Variants in PCDHA8 observed in about 807,000 individuals in gnomAD.
The protein encoded by PCDHA8 is protocadherin alpha 8.
Under a neutral mutation model 61.8 loss-of-function variants are expected in PCDHA8, and 53 were observed. That is an observed-to-expected ratio of 0.86 (90% CI 0.69 to 1.08). The LOEUF (loss-of-function observed/expected upper bound fraction) is 1.08, where lower values mean the gene tolerates loss of function less well. Ranked by LOEUF, PCDHA8 falls within the 50% of genes least tolerant of loss-of-function variation. The pLI is 0.00. For missense variants in PCDHA8, 1,293 were observed against 1,245.0 expected, an observed-to-expected ratio of 1.04 and a Z score of -0.58; for synonymous variants, 618 against 556.6, an observed-to-expected ratio of 1.11 and a Z score of -1.55.
intron 1 of PCDHA8, among the ~76,000 whole-genome samples, chr5:140,890,162 A>G (rs1433054233): frequency 6.6e-6 from 1 of 152,184 alleles, no homozygotes; most frequent in Non-Finnish European, 1.5e-5. Context: ...TATTTCTGCC[A>G]CAGAAATAGG....
chr5:140,879,671 G>T (rs1442617511), intron 1 of PCDHA8, among the ~76,000 whole-genome samples: 3 of 152,210 alleles, frequency 2.0e-5, no homozygotes, highest in Admixed American at 1.3e-4. Context: ...AACACAAACT[G>T]GGTGCTGTAA....
At chr5:140,849,200 C>G (rs2150432715) in intron 1 of PCDHA8, 2 of 1,040,964 alleles carry the variant, frequency 1.9e-6, no homozygotes, top group Non-Finnish European at 2.7e-6. Flanking sequence ...TACTGGACAA[C>G]AATGACAATG....
chr5:140,859,311 T>C (rs1441323923), intron 1 of PCDHA8: 1 of 128,808 alleles, frequency 7.8e-6, no homozygotes, highest in Non-Finnish European at 1.8e-5. Flanking sequence ...GAATTAATAT[T>C]AAAAGTTTGA....
chr5:140,876,342 A>C, intron 1 of PCDHA8: 1 of 1,614,042 alleles, frequency 6.2e-7, no homozygotes, highest in Non-Finnish European at 8.5e-7. Flanking sequence ...TGAGTGAGAA[A>C]TGTATGTTTT....
At chr5:140,877,935 C>A (rs1184618592) in intron 1 of PCDHA8, 28 of 1,388,566 alleles carry the variant, frequency 2.0e-5, no homozygotes, top group Admixed American at 3.0e-5. Context: ...TGATTCTATC[C>A]TTTAAACTAT....
chr5:140,869,499 G>A, intron 1 of PCDHA8: 8 of 1,614,196 alleles, frequency 5.0e-6, no homozygotes, highest in Non-Finnish European at 5.9e-6. Context: ...ACCCGCCGGT[G>A]TTCTCGCTCA....
intron 1 of PCDHA8, among the ~76,000 whole-genome samples, chr5:140,964,550 C>T (rs13359943): frequency 0.012 from 1,826 of 152,168 alleles, 28 homozygotes; most frequent in African/African-American, 0.042. Flanking sequence ...ATGGCAGCGA[C>T]TTGGAGGGCT....
intron 1 of PCDHA8, chr5:140,871,331 C>A (rs1414219251): frequency 6.2e-7 from 1 of 1,614,102 alleles, no homozygotes; most frequent in Non-Finnish European, 8.5e-7. Flanking sequence ...TGCTCCCGCG[C>A]GGTGGGGAGC....
At position 140,991,361 on chromosome 5, in the gene PCDHA8, G is replaced by A. The variant is rs1183124741; in HGVS notation, c.2542+8798G>A. On this transcript the variant is annotated intron_variant, in intron 3 of 3. Transcript: ENST00000531613. ...GGTAACTTGGAAAAGACTATTTACT[G>A]TCTGAGTTCTAGGCCAACTGTAGGG... Among the ~76,000 whole-genome samples, 3 of 152,200 alleles carry A rather than the reference G, an allele frequency of 2.0e-5. No individual in the cohort carries two copies. In the East Asian group the frequency reaches 5.8e-4, roughly 29 times the overall value.
Position 140,883,949 on chromosome 5 carries a change from A to C in PCDHA8, c.2394+40234A>C, listed in dbSNP as rs566235340. On this transcript the variant is annotated intron_variant, in intron 1 of 3. Transcript: ENST00000531613. ...GGTGTTCGTGCTGGACGAGAACGAC[A>C]ACGCTCCGGCGCTGCTGACGCCCGG... 178 of 1,613,356 alleles carry C rather than the reference A, an allele frequency of 1.1e-4. 5 individuals carry two copies. The South Asian group carries it at 1.9e-3, about 18-fold the overall frequency.
chr5:140,850,133 C>T, intron 1 of PCDHA8: 1 of 1,595,806 alleles, frequency 6.3e-7, no homozygotes, highest in Non-Finnish European at 8.6e-7. Flanking sequence ...CGCCTCTGGG[C>T]AGCAACGTGA....
chr5:140,961,564 T>A (rs2095622037), intron 1 of PCDHA8, among the ~76,000 whole-genome samples: 1 of 152,208 alleles, frequency 6.6e-6, no homozygotes, highest in African/African-American at 2.4e-5. Flanking sequence ...TTTTAAATTT[T>A]GTTTTGATAA....
chr5:140,843,463 G>T lies in PCDHA8; in HGVS notation c.2142G>T (p.Thr714=). Residue 714 remains threonine, a synonymous_variant, in exon 1 of 4, where the codon ACG becomes ACT. Transcript: ENST00000531613. ...CGGTATCCAGCCTGCTGGTGCTCAC[G>T]CTGCTGCTGTACACTGCGCTGCGGT... is the stretch of plus-strand genomic sequence containing the variant. ...ICAVSSLLVL[T]LLLYTALRCS... 1 of 1,596,032 alleles carries T rather than the reference G, an allele frequency of 6.3e-7. No individual in the cohort carries two copies. Among genetic ancestry groups the T allele is most frequent in the Non-Finnish European group, 8.6e-7 (1 of 1,165,630 alleles).
In PCDHA8 at chr5:140,841,444, C is replaced by T. The variant is rs2150315677; in HGVS notation, c.123C>T (p.His41=). 15 of 1,612,806 alleles carry T rather than the reference C, an allele frequency of 9.3e-6. 1 individual carries two copies. The highest frequency in any genetic ancestry group is 1.3e-5 in the African/African-American group (1 of 74,834). ...ACTCCGTCCCCGAGGAGGCCAAACACGGCACCTTCGTGGGCCGGATCGCGC... is the reference window on the plus strand; with the variant it reads ...ACTCCGTCCCCGAGGAGGCCAAACATGGCACCTTCGTGGGCCGGATCGCGC... The part of the protein sequence containing the change: ...LHYSVPEEAK[H]GTFVGRIAQD... Residue 41 remains histidine (H), a synonymous_variant, in exon 1 of 4, where the codon CAC becomes CAT. Transcript: ENST00000531613.
At chr5:140,943,608 T>C (rs1585137347) in intron 1 of PCDHA8, among the ~76,000 whole-genome samples, 1 of 152,184 alleles carries the variant, frequency 6.6e-6, no homozygotes, top group Non-Finnish European at 1.5e-5. Flanking sequence ...ATATAGACTT[T>C]GATTCATCTG....
Position 140,928,606 on chromosome 5 carries a change from C to T in PCDHA8, c.2395-50343C>T, listed in dbSNP as rs782809256. ...TTCTGTCCCAGTGGAAATTGTGCCC[C>T]GCTCTGCCAGGACTGGACACTTGGT... On this transcript the variant is annotated intron_variant, in intron 1 of 3. Coordinates refer to ENST00000531613, the MANE Select transcript of PCDHA8 (RefSeq NM_018911.3). 7.4e-6 allele frequency: 12 copies of T among 1,614,204 alleles called. No homozygotes were observed. In the South Asian group the frequency reaches 1.2e-4, roughly 16 times the overall value.
intron 1 of PCDHA8, chr5:140,850,913 T>G: frequency 6.5e-7 from 1 of 1,539,368 alleles, no homozygotes; most frequent in East Asian, 2.3e-5. Flanking sequence ...GCATTTTATT[T>G]ATTTATATAA....
intron 1 of PCDHA8, chr5:140,968,750 G>A: frequency 6.2e-7 from 1 of 1,614,144 alleles, no homozygotes; most frequent in Non-Finnish European, 8.5e-7. Context: ...GACCGTGGTG[G>A]TCCGAGATAA....
chr5:141,005,819 G>A, intron 3 of PCDHA8, among the ~76,000 whole-genome samples: 1 of 151,636 alleles, frequency 6.6e-6, no homozygotes, highest in South Asian at 2.1e-4. Context: ...CAGGTATGGT[G>A]GCCTGTAGTC....
Sources: allele counts gnomAD v4.1 joint callset (sites outside exome capture counted in the v4.1 genomes callset), GRCh38; gene constraint gnomAD v4.1.1; transcripts MANE v1.5; gene names NCBI Gene and HGNC (gene_info 2026-07-23, HGNC 2026-07-21).